Variants in PTPRD observed in about 807,000 individuals in gnomAD.
The protein encoded by PTPRD is receptor-type tyrosine-protein phosphatase delta.
Under a neutral mutation model 214.5 loss-of-function variants are expected in PTPRD, and 34 were observed. The ratio of observed to expected loss-of-function variants is 0.16; its 90% CI spans 0.12 to 0.21. PTPRD has a LOEUF of 0.21. Ranked by LOEUF, PTPRD falls within the 10% of genes least tolerant of loss-of-function variation. The probability of loss-of-function intolerance (pLI) is 1.00; values close to 1 mark genes in which losing one functional copy is unlikely to be tolerated. For synonymous variants in PTPRD, 1,128 were observed against 845.7 expected (o/e 1.33, Z -5.79); for missense variants, 2,545 against 2,398.7 (o/e 1.06, Z -1.27).
intron 39 of PTPRD, among the ~76,000 whole-genome samples, chr9:8,342,380 T>C (rs1853296067): frequency 6.6e-6 from 1 of 152,086 alleles, no homozygotes; most frequent in African/African-American, 2.4e-5. Context: ...TCTTGCAAAC[T>C]CTCTCAATCT....
intron 30 of PTPRD, among the ~76,000 whole-genome samples, chr9:8,472,075 G>A (rs528450876): frequency 6.6e-6 from 1 of 152,078 alleles, no homozygotes; most frequent in Non-Finnish European, 1.5e-5. Context: ...AGGCTACAAG[G>A]ACTGGTCACA....
chr9:10,247,871 A>C (rs996927783), intron 3 of PTPRD, among the ~76,000 whole-genome samples: 12 of 152,108 alleles, frequency 7.9e-5, no homozygotes, highest in African/African-American at 2.9e-4. Context: ...CTGTGTCCCC[A>C]CCCAAACCTC....
intron 9 of PTPRD, among the ~76,000 whole-genome samples, chr9:9,391,176 TTA>T (rs1425465740): frequency 1.3e-5 from 2 of 152,188 alleles, no homozygotes; most frequent in Non-Finnish European, 2.9e-5. Flanking sequence ...ATTTACTGCT[TTA>T]TCATTTAAAA....
intron 33 of PTPRD, among the ~76,000 whole-genome samples, chr9:8,453,019 C>T (rs1279046555): frequency 1.3e-5 from 2 of 152,294 alleles, no homozygotes; most frequent in East Asian, 3.9e-4. Flanking sequence ...AATCCCAACT[C>T]TGCCACTACT....
At chr9:8,650,151 C>T (rs2096777074) in intron 12 of PTPRD, among the ~76,000 whole-genome samples, 2 of 152,056 alleles carry the variant, frequency 1.3e-5, no homozygotes, top group Non-Finnish European at 2.9e-5. Flanking sequence ...TTCCTGGGCT[C>T]AAGTGATCCT....
rs75609894 is a variant in PTPRD at position 10,062,948 on chromosome 9, T to C, written c.-544-29158A>G. Among the ~76,000 whole-genome samples, 682 of 152,152 alleles carry C rather than the reference T, an allele frequency of 4.5e-3. 14 individuals carry two copies. The highest frequency in any genetic ancestry group is 0.036 in the Admixed American group (553 of 15,252). On this transcript the variant is annotated intron_variant, in intron 3 of 45. Coordinates refer to ENST00000381196, the MANE Select transcript of PTPRD (RefSeq NM_002839.4). ...GAGAGAGATGAAATAGTTTGTCTTA[T>C]TTTGTAGGTACCATGAGAACATTTT... is the stretch of plus-strand genomic sequence containing the variant.
intron 4 of PTPRD, among the ~76,000 whole-genome samples, chr9:9,959,524 C>CA (rs2094198489): frequency 6.6e-6 from 1 of 152,056 alleles, no homozygotes; most frequent in Non-Finnish European, 1.5e-5. Flanking sequence ...TTGGATGATC[C>CA]TAGAAAAACT....
chr9:8,732,227 G>C (rs866564150), intron 12 of PTPRD, among the ~76,000 whole-genome samples: 40 of 152,062 alleles, frequency 2.6e-4, no homozygotes, highest in Admixed American at 6.6e-4. Context: ...TTAAGCAAAG[G>C]CATCACTCCT....
intron 2 of PTPRD, among the ~76,000 whole-genome samples, chr9:10,606,460 A>T (rs1014598068): frequency 1.3e-5 from 2 of 151,760 alleles, no homozygotes; most frequent in Non-Finnish European, 2.9e-5. Flanking sequence ...TTCTAAATAC[A>T]GGTTTTTCGT....
At chr9:9,282,494 T>C (rs2133653393) in intron 9 of PTPRD, among the ~76,000 whole-genome samples, 1 of 151,508 alleles carries the variant, frequency 6.6e-6, no homozygotes, top group South Asian at 2.1e-4. Flanking sequence ...AAAATTCAGA[T>C]GGTTTTAGTT....
At chr9:9,764,697 G>A (rs1042954172) in intron 6 of PTPRD, among the ~76,000 whole-genome samples, 13 of 152,096 alleles carry the variant, frequency 8.5e-5, no homozygotes, top group African/African-American at 2.7e-4. Context: ...CACAACCCCT[G>A]TGATTATTGT....
intron 3 of PTPRD, among the ~76,000 whole-genome samples, chr9:10,046,651 G>A (rs2097402875): frequency 6.6e-6 from 1 of 151,894 alleles, no homozygotes; most frequent in African/African-American, 2.4e-5. Context: ...GTTTGTTTTA[G>A]AGAAAAATAC....
In PTPRD at chr9:10,543,210, T is replaced by C. The variant is rs897834705; in HGVS notation, c.-600+69188A>G. On this transcript the variant is annotated intron_variant, in intron 2 of 45. Coordinates refer to ENST00000381196, the MANE Select transcript of PTPRD (RefSeq NM_002839.4). ...ACTAGCTTTTCATTTTTAACTAACA[T>C]GATAAAGGGGAAGGCATAAAGCTAA... 2.0e-5 allele frequency among the ~76,000 whole-genome samples: 3 copies of C among 152,020 alleles called. No individual in the cohort carries two copies. The South Asian group carries it at 6.2e-4, about 31-fold the overall frequency.
At chr9:8,788,033 GTTAC>G (rs1599787284) in intron 11 of PTPRD, among the ~76,000 whole-genome samples, 1 of 152,182 alleles carries the variant, frequency 6.6e-6, no homozygotes, top group East Asian at 1.9e-4. Context: ...ATCCAGTTTA[GTTAC>G]TTACTTTTGT....
At chr9:10,485,936 T>C (rs2099129674) in intron 2 of PTPRD, among the ~76,000 whole-genome samples, 1 of 152,086 alleles carries the variant, frequency 6.6e-6, no homozygotes, top group Admixed American at 6.6e-5. Context: ...ATCTCCTTAA[T>C]CAGTAATGTT....
intron 11 of PTPRD, among the ~76,000 whole-genome samples, chr9:8,901,833 T>C (rs1425973226): frequency 6.6e-6 from 1 of 152,216 alleles, no homozygotes; most frequent in East Asian, 1.9e-4. Context: ...CTAACAAAAA[T>C]AGTCATACTA....
intron 14 of PTPRD, among the ~76,000 whole-genome samples, chr9:8,539,241 C>T (rs532504272): frequency 1.3e-4 from 20 of 151,892 alleles, no homozygotes; most frequent in Non-Finnish European, 2.5e-4. Flanking sequence ...GGACTCCCTA[C>T]ATAAATTTAT....
chr9:8,687,413 T>C (rs1012626972), intron 12 of PTPRD, among the ~76,000 whole-genome samples: 3 of 152,210 alleles, frequency 2.0e-5, no homozygotes, highest in Non-Finnish European at 2.9e-5. Flanking sequence ...ATGAATGCCT[T>C]TTAAATAAAG....
chr9:8,548,781 G>A (rs921857186), intron 14 of PTPRD, among the ~76,000 whole-genome samples: 10 of 126,654 alleles, frequency 7.9e-5, no homozygotes, highest in East Asian at 2.7e-4. Flanking sequence ...GGCAACCTCC[G>A]CCTCCCAGGT....
Sources: allele counts gnomAD v4.1 joint callset (sites outside exome capture counted in the v4.1 genomes callset), GRCh38; gene constraint gnomAD v4.1.1; transcripts MANE v1.5; gene names NCBI Gene and HGNC (gene_info 2026-07-23, HGNC 2026-07-21).